The following PCDH15 variants were observed in gnomAD, a reference collection of about 807,000 sequenced individuals.
PCDH15 encodes the protein protocadherin related 15.
PCDH15 carries 129 observed loss-of-function variants against 178.5 expected under a neutral mutation model. The ratio of observed to expected loss-of-function variants is 0.72; its 90% CI spans 0.63 to 0.84. PCDH15 has a LOEUF of 0.84. Among genes scored for constraint, PCDH15 ranks in the 40% least tolerant of loss-of-function variants. PCDH15 has a pLI of 0.00. For synonymous variants in PCDH15, 800 were observed against 732.0 expected, an observed-to-expected ratio of 1.09 and a Z score of -1.50; for missense variants, 2,230 against 2,099.9, an observed-to-expected ratio of 1.06 and a Z score of -1.21.
At chr10:54,279,780 C>A (rs561431607) in intron 8 of PCDH15, among the ~76,000 whole-genome samples, 6 of 151,760 alleles carry the variant, frequency 4.0e-5, no homozygotes, top group Admixed American at 3.3e-4. Flanking sequence ...ATAATTTTAA[C>A]CTTTTCATGC....
intron 2 of PCDH15, among the ~76,000 whole-genome samples, chr10:55,092,510 A>C (rs910334067): frequency 1.3e-5 from 2 of 151,926 alleles, no homozygotes; most frequent in South Asian, 4.1e-4. Context: ...CATATTTAGA[A>C]AGGCACTTTA....
At chr10:55,410,565 T>C (rs1244380401) in intron 2 of PCDH15, among the ~76,000 whole-genome samples, 1 of 152,108 alleles carries the variant, frequency 6.6e-6, no homozygotes, top group East Asian at 1.9e-4. Context: ...TCAAAAATAA[T>C]ATGATAAAGC....
intron 1 of PCDH15, among the ~76,000 whole-genome samples, chr10:55,206,175 G>A (rs1265979383): frequency 1.3e-5 from 2 of 151,994 alleles, no homozygotes; most frequent in Non-Finnish European, 2.9e-5. Flanking sequence ...TTGTAGGAAG[G>A]CTTATGATGA....
At chr10:54,446,530 T>G (rs998917100) in intron 3 of PCDH15, among the ~76,000 whole-genome samples, 5 of 151,652 alleles carry the variant, frequency 3.3e-5, no homozygotes, top group African/African-American at 1.2e-4. Flanking sequence ...ATTTCATCTT[T>G]GTGAGTCTTC....
intron 2 of PCDH15, among the ~76,000 whole-genome samples, chr10:55,603,522 C>T (rs1293943765): frequency 6.6e-6 from 1 of 151,992 alleles, no homozygotes; most frequent in African/African-American, 2.4e-5. Flanking sequence ...CAAAGGGAAG[C>T]CCATCAGACT....
chr10:54,311,149 T>A (rs1027000741), intron 8 of PCDH15, among the ~76,000 whole-genome samples: 3 of 152,014 alleles, frequency 2.0e-5, no homozygotes, highest in Non-Finnish European at 2.9e-5. Context: ...TGGGATCCAA[T>A]CCAATGGTTT....
intron 13 of PCDH15, among the ~76,000 whole-genome samples, chr10:54,173,807 A>AATT (rs1304888745): frequency 4.6e-5 from 7 of 152,182 alleles, no homozygotes; most frequent in African/African-American, 1.7e-4. Context: ...TTAACCATAT[A>AATT]ATTATAAATT....
chr10:53,821,633 A>G, intron 32 of PCDH15: 1 of 1,290,352 alleles, frequency 7.7e-7, no homozygotes, highest in Non-Finnish European at 9.9e-7. Context: ...AATGTAGAAC[A>G]AATTATGCTA....
chr10:55,627,456 G>T (rs542402171), intron 2 of PCDH15, among the ~76,000 whole-genome samples: 14 of 152,220 alleles, frequency 9.2e-5, no homozygotes, highest in East Asian at 3.9e-4. Context: ...AGCTTTGAAA[G>T]GTACTTCCAC....
At chr10:55,479,859 C>T (rs1031820587) in intron 2 of PCDH15, among the ~76,000 whole-genome samples, 5 of 151,554 alleles carry the variant, frequency 3.3e-5, no homozygotes, top group African/African-American at 1.2e-4. Context: ...TTTATATATG[C>T]CAGTAACAAA....
intron 3 of PCDH15, among the ~76,000 whole-genome samples, chr10:54,893,928 G>A (rs1954506796): frequency 6.6e-6 from 1 of 152,036 alleles, no homozygotes; most frequent in South Asian, 2.1e-4. Flanking sequence ...TTCTCTCACT[G>A]TAGCCTTGCT....
intron 2 of PCDH15, among the ~76,000 whole-genome samples, chr10:54,562,335 T>G (rs2088298082): frequency 6.6e-6 from 1 of 152,122 alleles, no homozygotes; most frequent in Non-Finnish European, 1.5e-5. Flanking sequence ...ATTGTATAAT[T>G]CTATTGGATC....
intron 2 of PCDH15, among the ~76,000 whole-genome samples, chr10:55,164,995 T>C (rs763761937): frequency 5.9e-5 from 9 of 152,122 alleles, no homozygotes; most frequent in African/African-American, 4.8e-5. Context: ...CCGTCATCTA[T>C]CCATTTGTGC....
chr10:55,404,510 A>T (rs1588993653), intron 2 of PCDH15, among the ~76,000 whole-genome samples: 1 of 152,146 alleles, frequency 6.6e-6, no homozygotes. Context: ...TTTATATATA[A>T]AATGCAGTGA....
intron 3 of PCDH15, among the ~76,000 whole-genome samples, chr10:54,526,107 C>T (rs1021781096): frequency 6.6e-6 from 1 of 152,194 alleles, no homozygotes; most frequent in African/African-American, 2.4e-5. Flanking sequence ...ACTTTTACCA[C>T]CTGCTACTGT....
intron 1 of PCDH15, among the ~76,000 whole-genome samples, chr10:55,206,307 T>A (rs1840400357): frequency 6.6e-6 from 1 of 152,086 alleles, no homozygotes; most frequent in South Asian, 2.1e-4. Flanking sequence ...TGTATTTAAT[T>A]TAAATGTCAA....
At chr10:55,230,425 A>T (rs550078183) in intron 1 of PCDH15, among the ~76,000 whole-genome samples, 1 of 152,260 alleles carries the variant, frequency 6.6e-6, no homozygotes, top group African/African-American at 2.4e-5. Flanking sequence ...ATATTTAAGT[A>T]ATATTTACTC....
intron 3 of PCDH15, among the ~76,000 whole-genome samples, chr10:54,489,029 T>C (rs1346682700): frequency 6.6e-6 from 1 of 152,006 alleles, no homozygotes; most frequent in African/African-American, 2.4e-5. Context: ...ATAATAATTA[T>C]TTTCCTTCCA....
At chr10:54,459,779 G>C (rs906601227) in intron 3 of PCDH15, among the ~76,000 whole-genome samples, 1 of 152,138 alleles carries the variant, frequency 6.6e-6, no homozygotes. Flanking sequence ...GAAGGCCTGT[G>C]AAGTCACACA....
Sources: gnomAD v4.1 joint callset for allele counts (sites outside exome capture counted in the v4.1 genomes callset) on GRCh38, gnomAD v4.1.1 for gene constraint, MANE v1.5 for transcripts, NCBI Gene and HGNC (gene_info 2026-07-23, HGNC 2026-07-21) for gene names.